PRTG: variants seen among roughly 807,000 people sequenced by gnomAD.
The protein encoded by PRTG is protogenin, also known as immunoglobulin superfamily, DCC subclass, member 5.
In PRTG, 67 loss-of-function variants were observed where a neutral mutation model predicts 122.5. That is an observed-to-expected ratio of 0.55 (90% CI 0.45 to 0.67). The LOEUF (loss-of-function observed/expected upper bound fraction) is 0.67. PRTG is among the 30% of genes least tolerant of loss of function. The pLI is 0.00. For missense variants in PRTG, 1,435 were observed against 1,415.4 expected, an observed-to-expected ratio of 1.01 and a Z score of -0.22; for synonymous variants, 554 against 501.1, an observed-to-expected ratio of 1.11 and a Z score of -1.41.
intron 2 of PRTG, among the ~76,000 whole-genome samples, chr15:55,688,272 C>T (rs915684356): frequency 2.0e-5 from 3 of 152,102 alleles, no homozygotes; most frequent in Admixed American, 2.0e-4. Flanking sequence ...CTACATGCTC[C>T]TTGTTCTCCT....
In PRTG at chr15:55,616,199, C is replaced by T. The variant is rs1458122476; in HGVS notation, c.*3813G>A. The T allele has an allele frequency of 6.6e-6, 1 of 152,084 alleles. No homozygotes were observed. Among genetic ancestry groups the T allele is most frequent in the African/African-American group, 2.4e-5 (1 of 41,424 alleles). 9.4% of individuals were successfully genotyped at this position (152,084 alleles called of 1,614,324 possible). On this transcript the variant is annotated 3_prime_UTR_variant, in exon 20 of 20. Transcript: ENST00000389286. ...AAATTTTTTCCCTTTACCCAAGGTT[C>T]CATTAAAGTTTGAAAACTGAGCTCC... is the stretch of plus-strand genomic sequence containing the variant.
At chr15:55,679,497 G>A (rs369308363) in intron 6 of PRTG, 52 bp from the exon 7 acceptor site, 2 of 1,414,474 alleles carry the variant, frequency 1.4e-6, no homozygotes, top group Non-Finnish European at 2.0e-6. Flanking sequence ...TAGGAATGAT[G>A]TAAAGGGTCA....
intron 1 of PRTG, 108 bp from the exon 2 acceptor site, chr15:55,740,792 A>C (rs1387213684): frequency 1.8e-5 from 17 of 942,324 alleles, no homozygotes; most frequent in Middle Eastern, 2.7e-4. Context: ...GACGAAGTTT[A>C]ATAAATTTTA....
chr15:55,620,280 G>C lies in PRTG; in HGVS notation c.3199-14C>G, dbSNP rs1397116741. The stretch of plus-strand genomic sequence containing the variant: ...TCTTCTTTGAGGCTAGGCAAAAAAA[G>C]ATAAGATGGCAATGAGATACCAGAC... On this transcript the variant is annotated splice_polypyrimidine_tract_variant and intron_variant, in intron 19 of 19. Coordinates refer to ENST00000389286, the MANE Select transcript of PRTG (RefSeq NM_173814.6). 6 of 1,612,782 alleles carry C rather than the reference G, an allele frequency of 3.7e-6. No individual in the cohort carries two copies. In the East Asian group the frequency reaches 1.3e-4, roughly 36 times the overall value.
intron 11 of PRTG, among the ~76,000 whole-genome samples, chr15:55,665,978 G>A (rs1362401282): frequency 6.6e-6 from 1 of 152,202 alleles, no homozygotes; most frequent in Non-Finnish European, 1.5e-5. Flanking sequence ...ATGCATTTAT[G>A]TATTTTCCAA....
Position 55,670,559 on chromosome 15 carries a change from T to C in PRTG, c.2041+1886A>G, listed in dbSNP as rs1473376546. On this transcript the variant is annotated intron_variant, in intron 11 of 19. Transcript: ENST00000389286. Reference sequence around the variant, plus strand: ...TGGGCTAATGTCATCTCAGTATCAATGGCTTAAGGAAGGTGAAACATATGT... The same window carrying C: ...TGGGCTAATGTCATCTCAGTATCAACGGCTTAAGGAAGGTGAAACATATGT... Among the ~76,000 whole-genome samples the C allele has an allele frequency of 5.3e-5, 8 of 152,312 alleles. No homozygotes were observed. The South Asian group carries it at 1.2e-3, about 24-fold the overall frequency.
chr15:55,697,617 A>G (rs1182251715), intron 2 of PRTG, among the ~76,000 whole-genome samples: 3 of 152,100 alleles, frequency 2.0e-5, no homozygotes, highest in African/African-American at 7.2e-5. Context: ...TCAGCCTCCC[A>G]AGTAGCTGGG....
At chr15:55,646,146 A>T (rs944931765) in intron 11 of PRTG, among the ~76,000 whole-genome samples, 1 of 149,552 alleles carries the variant, frequency 6.7e-6, no homozygotes, top group Non-Finnish European at 1.5e-5. Flanking sequence ...AGCTGGGAGT[A>T]CAGGCATGCA....
intron 11 of PRTG, among the ~76,000 whole-genome samples, chr15:55,668,560 G>GA (rs1231130187): frequency 1.3e-5 from 2 of 152,076 alleles, no homozygotes; most frequent in African/African-American, 4.8e-5. Flanking sequence ...GTGCCTAGGG[G>GA]AAAAAATCTA....
intron 9 of PRTG, among the ~76,000 whole-genome samples, chr15:55,675,140 G>C (rs1485757875): frequency 6.6e-6 from 1 of 152,054 alleles, no homozygotes; most frequent in African/African-American, 2.4e-5. Context: ...ATCGTATAAA[G>C]TCCAAGTTTC....
At chr15:55,668,821 G>A (rs2059452248) in intron 11 of PRTG, among the ~76,000 whole-genome samples, 1 of 152,060 alleles carries the variant, frequency 6.6e-6, no homozygotes, top group Admixed American at 6.6e-5. Context: ...TAAAAAAACT[G>A]TACATCTAGG....
intron 11 of PRTG, among the ~76,000 whole-genome samples, chr15:55,646,165 C>T (rs908286320): frequency 1.4e-5 from 2 of 146,882 alleles, no homozygotes; most frequent in Admixed American, 7.0e-5. Flanking sequence ...CACCACCATG[C>T]CCAGCTAGTT....
At chr15:55,716,953 T>C (rs911816216) in intron 2 of PRTG, among the ~76,000 whole-genome samples, 4 of 152,234 alleles carry the variant, frequency 2.6e-5, no homozygotes, top group Non-Finnish European at 4.4e-5. Context: ...ATGGAATTCA[T>C]GTCGAGGAAC....
In PRTG at chr15:55,620,718, T is replaced by A. The variant is rs776629578; in HGVS notation, c.3143A>T (p.Asn1048Ile). Residue 1048 changes from asparagine (N) to isoleucine (I), a missense_variant, in exon 19 of 20, where the codon AAC becomes ATC. Transcript: ENST00000389286. Reference sequence around the variant, plus strand: ...GAAAAAAAACCACTTTTTCTTAGAGTTGTTTTTAATTATAGGACCATAGCT... The same window carrying A: ...GAAAAAAAACCACTTTTTCTTAGAGATGTTTTTAATTATAGGACCATAGCT... ...INSYGPIIKN[N>I]SKKKWFFFQD... 1 of 1,603,190 alleles carries A rather than the reference T, an allele frequency of 6.2e-7. No homozygotes were observed. Among genetic ancestry groups the A allele is most frequent in the East Asian group, 2.2e-5 (1 of 44,746 alleles).
chr15:55,722,842 T>C (rs774977362), intron 2 of PRTG, among the ~76,000 whole-genome samples: 18 of 152,078 alleles, frequency 1.2e-4, no homozygotes, highest in Non-Finnish European at 1.6e-4. Flanking sequence ...AGAGCAAATA[T>C]AGGAATTAAG....
At chr15:55,704,218 C>G (rs1424098915) in intron 2 of PRTG, among the ~76,000 whole-genome samples, 2 of 152,176 alleles carry the variant, frequency 1.3e-5, no homozygotes, top group East Asian at 1.9e-4. Context: ...AGAATTAGTT[C>G]TGCTTAATAG....
chr15:55,718,630 A>AAC (rs1361936901), intron 2 of PRTG, among the ~76,000 whole-genome samples: 3 of 150,960 alleles, frequency 2.0e-5, no homozygotes, highest in South Asian at 4.2e-4. Context: ...AAAACAAACA[A>AAC]AAAAAAAAAC....
intron 2 of PRTG, among the ~76,000 whole-genome samples, chr15:55,703,705 A>G (rs1450470822): frequency 1.3e-5 from 2 of 152,210 alleles, no homozygotes; most frequent in Admixed American, 1.3e-4. Context: ...AATGAAGATA[A>G]ATCACTATTC....
chr15:55,674,914 A>T (rs1034245654), intron 9 of PRTG, among the ~76,000 whole-genome samples: 2 of 152,142 alleles, frequency 1.3e-5, no homozygotes, highest in Non-Finnish European at 2.9e-5. Flanking sequence ...AGAGGAGGAT[A>T]ATCAGTTCTC....
Sources: gnomAD v4.1 joint callset for allele counts (sites outside exome capture counted in the v4.1 genomes callset) on GRCh38, gnomAD v4.1.1 for gene constraint, MANE v1.5 for transcripts, NCBI Gene and HGNC (gene_info 2026-07-23, HGNC 2026-07-21) for gene names.